The following PTPRQ variants were observed in gnomAD, a reference collection of about 807,000 sequenced individuals.
PTPRQ encodes the protein phosphatidylinositol phosphatase PTPRQ.
PTPRQ carries 199 observed loss-of-function variants against 246.0 expected under a neutral mutation model. That is an observed-to-expected ratio of 0.81 (90% CI 0.72 to 0.91). The LOEUF is 0.91. PTPRQ is among the 40% of genes least tolerant of loss of function. PTPRQ has a pLI of 0.00. For synonymous variants in PTPRQ, 869 were observed against 853.2 expected (o/e 1.02, Z -0.32); for missense variants, 2,624 against 2,528.4 (o/e 1.04, Z -0.81).
intron 26 of PTPRQ, among the ~76,000 whole-genome samples, chr12:80,595,247 T>A (rs914224787): frequency 6.6e-6 from 1 of 152,108 alleles, no homozygotes; most frequent in Non-Finnish European, 1.5e-5. Flanking sequence ...TCTCTTTCTT[T>A]AGTGGGGCTT....
intron 26 of PTPRQ, among the ~76,000 whole-genome samples, chr12:80,588,701 C>G (rs532691392): frequency 5.1e-4 from 77 of 152,284 alleles, no homozygotes; most frequent in African/African-American, 1.8e-3. Flanking sequence ...TCTCATATTG[C>G]AACAGTGCAT....
rs1900466403 is a variant in PTPRQ at position 80,657,063 on chromosome 12, G to A, written c.6116-922G>A. Among the ~76,000 whole-genome samples the A allele has an allele frequency of 2.0e-5, 3 of 151,870 alleles. No homozygotes were observed. In the South Asian group the frequency reaches 6.2e-4, roughly 32 times the overall value. On this transcript the variant is annotated intron_variant, in intron 38 of 44. Coordinates refer to ENST00000644991, the MANE Select transcript of PTPRQ (RefSeq NM_001145026.2). ...TGATTGCATAACAATATAAATTTTT[G>A]TACGGCAAAATTGATAGACAAATTC...
intron 33 of PTPRQ, among the ~76,000 whole-genome samples, chr12:80,623,604 G>T (rs1467270074): frequency 2.0e-5 from 3 of 152,114 alleles, no homozygotes; most frequent in African/African-American, 7.2e-5. Flanking sequence ...TGATCCTGGT[G>T]CATTTGCCAA....
chr12:80,657,866 A>G (rs1209979137), intron 38 of PTPRQ, 119 bp from the exon 39 acceptor site: 1 of 653,450 alleles, frequency 1.5e-6, no homozygotes, highest in Non-Finnish European at 2.3e-6. Flanking sequence ...TTTAAAATTT[A>G]CCGCCATCTG....
intron 9 of PTPRQ, among the ~76,000 whole-genome samples, chr12:80,491,004 T>C (rs1894430725): frequency 6.6e-6 from 1 of 151,986 alleles, no homozygotes; most frequent in African/African-American, 2.4e-5. Context: ...AAAGCCAATG[T>C]TCAAATCATT....
chr12:80,595,682 A>G (rs1004686364), intron 26 of PTPRQ, among the ~76,000 whole-genome samples: 2 of 151,610 alleles, frequency 1.3e-5, no homozygotes, highest in Admixed American at 1.3e-4. Context: ...ATCATTTAGC[A>G]TTAGGTATAT....
intron 34 of PTPRQ, among the ~76,000 whole-genome samples, 179 bp downstream of exon 34, chr12:80,632,470 G>T (rs1899476981): frequency 6.6e-6 from 1 of 152,160 alleles, no homozygotes; most frequent in African/African-American, 2.4e-5. Context: ...TATGCGTTGT[G>T]TAGTGACTAA....
intron 9 of PTPRQ, among the ~76,000 whole-genome samples, chr12:80,487,411 G>A (rs11114478): frequency 0.042 from 6,433 of 152,106 alleles, 221 homozygotes; most frequent in Admixed American, 0.067. Flanking sequence ...CCTAAAGAGC[G>A]GCTGACTTGA....
intron 35 of PTPRQ, among the ~76,000 whole-genome samples, chr12:80,646,865 A>G (rs975273127): frequency 2.6e-5 from 4 of 152,348 alleles, no homozygotes; most frequent in South Asian, 2.1e-4. Context: ...AAACAAAAAA[A>G]TGTATATTTA....
intron 23 of PTPRQ, among the ~76,000 whole-genome samples, chr12:80,545,640 T>C (rs1896279873): frequency 6.6e-6 from 1 of 151,602 alleles, no homozygotes; most frequent in Non-Finnish European, 1.5e-5. Flanking sequence ...ACTCTTTTGT[T>C]CCTTTTCTCA....
At chr12:80,559,042 T>G (rs2120910192) in intron 25 of PTPRQ, among the ~76,000 whole-genome samples, 1 of 152,264 alleles carries the variant, frequency 6.6e-6, no homozygotes, top group Non-Finnish European at 1.5e-5. Context: ...TTGTCTTTTC[T>G]TTTCTTTCTT....
intron 35 of PTPRQ, among the ~76,000 whole-genome samples, chr12:80,643,720 G>GA (rs1899973542): frequency 6.6e-6 from 1 of 152,152 alleles, no homozygotes; most frequent in African/African-American, 2.4e-5. Context: ...AGATGCTTTG[G>GA]ATAAGCGATA....
chr12:80,547,552 C>T (rs1007166345), intron 24 of PTPRQ, among the ~76,000 whole-genome samples: 3 of 152,010 alleles, frequency 2.0e-5, no homozygotes, highest in Admixed American at 6.6e-5. Context: ...CACTGTTTTT[C>T]GTGCATTTCT....
At chr12:80,508,629 A>G (rs1385294015) in intron 16 of PTPRQ, among the ~76,000 whole-genome samples, 1 of 152,062 alleles carries the variant, frequency 6.6e-6, no homozygotes, top group African/African-American at 2.4e-5. Context: ...AATGCACTGC[A>G]AAAGTTCTAA....
chr12:80,554,296 C>A (rs1433260974), intron 25 of PTPRQ, among the ~76,000 whole-genome samples: 1 of 152,142 alleles, frequency 6.6e-6, no homozygotes, highest in African/African-American at 2.4e-5. Flanking sequence ...TTATACTTTG[C>A]ATTCCTGTAT....
Position 80,502,304 on chromosome 12 carries a change from G to C in PTPRQ, c.2273-3720G>C, listed in dbSNP as rs1370661662. On this transcript the variant is annotated intron_variant, in intron 14 of 44. Coordinates refer to ENST00000644991, the MANE Select transcript of PTPRQ (RefSeq NM_001145026.2). ...CAAGTTTATTAGCTTCAAATAAAGA[G>C]GGGGAGGGCATATCAGAGGTTTGTG... Among the ~76,000 whole-genome samples, 5 of 152,018 alleles carry C rather than the reference G, an allele frequency of 3.3e-5. 1 individual carries two copies. The East Asian group carries it at 7.8e-4, about 24-fold the overall frequency.
At chr12:80,579,594 G>A (rs544462409) in intron 25 of PTPRQ, among the ~76,000 whole-genome samples, 1 of 152,202 alleles carries the variant, frequency 6.6e-6, no homozygotes, top group East Asian at 1.9e-4. Context: ...ACATTGACTT[G>A]TATCCTGCCC....
rs189614496 is a variant in PTPRQ, at chr12:80,570,645, T to A, written c.4286-17484T>A. ...GCCATTGCTTTTGGTGTTTTAGTCATGAAGTCTTTGCCCATGCCTATGTCC... is the reference window on the plus strand; with the variant it reads ...GCCATTGCTTTTGGTGTTTTAGTCAAGAAGTCTTTGCCCATGCCTATGTCC... On this transcript the variant is annotated intron_variant, in intron 25 of 44. Coordinates refer to ENST00000644991, the MANE Select transcript of PTPRQ (RefSeq NM_001145026.2). Among the ~76,000 whole-genome samples, 326 of 152,346 alleles carry A rather than the reference T, an allele frequency of 2.1e-3. 1 individual carries two copies. Among genetic ancestry groups the A allele is most frequent in the African/African-American group, 7.6e-3 (316 of 41,586 alleles).
intron 23 of PTPRQ, among the ~76,000 whole-genome samples, chr12:80,544,282 G>A (rs562109630): frequency 6.6e-6 from 1 of 151,546 alleles, no homozygotes; most frequent in African/African-American, 2.4e-5. Flanking sequence ...TTCCAAGCAT[G>A]TGATAAATAT....
Sources: allele counts gnomAD v4.1 joint callset (sites outside exome capture counted in the v4.1 genomes callset), GRCh38; gene constraint gnomAD v4.1.1; transcripts MANE v1.5; gene names NCBI Gene and HGNC (gene_info 2026-07-23, HGNC 2026-07-21).